XKR9: variants seen among roughly 807,000 people sequenced by gnomAD.
XKR9 encodes the protein XK related 9.
XKR9 carries 32 observed loss-of-function variants against 32.0 expected under a neutral mutation model. The observed-to-expected ratio is 1.00, with a 90% CI of 0.76 to 1.34. The LOEUF is 1.34. Among genes scored for constraint, XKR9 ranks in the 40% most tolerant of loss-of-function variants. The pLI, the probability that XKR9 is intolerant of heterozygous loss-of-function variation, is 0.00. For missense variants in XKR9, 546 were observed against 429.7 expected (o/e 1.27, Z -2.39); for synonymous variants, 168 against 143.4 (o/e 1.17, Z -1.22).
chr8:70,687,561 G>A (rs1048032541), intron 3 of XKR9, among the ~76,000 whole-genome samples: 2 of 151,718 alleles, frequency 1.3e-5, no homozygotes, highest in Admixed American at 1.3e-4. Flanking sequence ...GTACAGATGG[G>A]GCCTCAGTAT....
intron 1 of XKR9, among the ~76,000 whole-genome samples, chr8:70,670,377 TA>T (rs576173949): frequency 5.3e-5 from 8 of 152,206 alleles, no homozygotes; most frequent in African/African-American, 1.9e-4. Context: ...CAGCTTCCCA[TA>T]AAAAAAGTTG....
chr8:70,927,107 C>G, the XKR9 span, among the ~76,000 whole-genome samples: 1 of 151,748 alleles, frequency 6.6e-6, no homozygotes, highest in Admixed American at 6.6e-5. Context: ...TATATATGCA[C>G]ATACACACAA....
In XKR9 at chr8:70,721,796, A is replaced by G. The variant is rs548923903; in HGVS notation, c.494-12000A>G. Among the ~76,000 whole-genome samples the G allele has an allele frequency of 2.1e-4, 32 of 152,128 alleles. No individual in the cohort carries two copies. The South Asian group carries it at 3.5e-3, about 17-fold the overall frequency. ...ATATTCTGTTGATTTGGGGTGGAGAATTGTGTAGATGTCTATTAGGTCCTC... is the reference window on the plus strand; with the variant it reads ...ATATTCTGTTGATTTGGGGTGGAGAGTTGTGTAGATGTCTATTAGGTCCTC... On this transcript the variant is annotated intron_variant, in intron 4 of 4. Coordinates refer to ENST00000408926, the MANE Select transcript of XKR9 (RefSeq NM_001011720.2).
rs1806831161 is a variant in XKR9 at position 70,735,383 on chromosome 8, T to C, written c.*959T>C. ...GATTTCATGTGTGTGAAACTTAATC[T>C]CCAAATTTGTATGTTGATGGCATTT... is the stretch of plus-strand genomic sequence containing the variant. On this transcript the variant is annotated 3_prime_UTR_variant, in exon 5 of 5. Transcript: ENST00000408926. 1 of 151,848 alleles carries C rather than the reference T, an allele frequency of 6.6e-6. No individual in the cohort carries two copies. 9.4% of individuals were successfully genotyped at this position (151,848 alleles called of 1,614,324 possible).
At chr8:70,808,332 G>A in the XKR9 span, among the ~76,000 whole-genome samples, 18 of 152,222 alleles carry the variant, frequency 1.2e-4, no homozygotes, top group East Asian at 1.2e-3. Context: ...GAAGATGGCC[G>A]AATAGGAACA....
the XKR9 span, among the ~76,000 whole-genome samples, chr8:70,977,439 T>C: frequency 6.6e-6 from 1 of 152,242 alleles, no homozygotes; most frequent in Non-Finnish European, 1.5e-5. Flanking sequence ...GAGATTATGG[T>C]ACGTTGTGTC....
At chr8:70,920,858 T>A in the XKR9 span, among the ~76,000 whole-genome samples, 1 of 152,168 alleles carries the variant, frequency 6.6e-6, no homozygotes, top group Non-Finnish European at 1.5e-5. Context: ...TAAAGCATAT[T>A]TAGAAATATG....
the XKR9 span, among the ~76,000 whole-genome samples, chr8:70,808,043 A>C: frequency 3.9e-5 from 6 of 152,132 alleles, no homozygotes; most frequent in East Asian, 1.9e-4. Context: ...TGCAAAAAAA[A>C]CCTCTAAAAT....
the XKR9 span, among the ~76,000 whole-genome samples, chr8:71,042,475 C>G: frequency 3.3e-5 from 5 of 152,200 alleles, no homozygotes; most frequent in East Asian, 9.7e-4. Context: ...GTTTACTCAT[C>G]TGTAAGATTA....
At chr8:70,780,838 G>A (rs1807605591) in intron 2 of XKR9, 2 of 151,876 alleles carry the variant, frequency 1.3e-5, no homozygotes, top group African/African-American at 4.8e-5. Context: ...AGTCCCATCA[G>A]CAATGAGGTT....
chr8:70,926,350 C>T, the XKR9 span, among the ~76,000 whole-genome samples: 23 of 152,304 alleles, frequency 1.5e-4, no homozygotes, highest in African/African-American at 4.1e-4. Context: ...GGATTACAGG[C>T]GTGAGCCACT....
chr8:70,915,153 AG>A, the XKR9 span, among the ~76,000 whole-genome samples: 5 of 152,100 alleles, frequency 3.3e-5, no homozygotes, highest in African/African-American at 7.2e-5. Context: ...TGGTACCAGC[AG>A]GTCCATTAGA....
At chr8:70,719,926 A>G (rs1261508995) in intron 4 of XKR9, among the ~76,000 whole-genome samples, 1 of 152,182 alleles carries the variant, frequency 6.6e-6, no homozygotes, top group Non-Finnish European at 1.5e-5. Flanking sequence ...CTTCCTATCC[A>G]TGAGCATGGA....
the XKR9 span, among the ~76,000 whole-genome samples, chr8:70,988,092 T>C: frequency 6.6e-6 from 1 of 152,072 alleles, no homozygotes; most frequent in East Asian, 1.9e-4. Flanking sequence ...GAAACAACTT[T>C]TCCTCCTGGG....
At chr8:70,858,154 T>G in the XKR9 span, among the ~76,000 whole-genome samples, 1 of 152,152 alleles carries the variant, frequency 6.6e-6, no homozygotes, top group African/African-American at 2.4e-5. Context: ...GGTATTCAAT[T>G]AGGAAATGAG....
intron 3 of XKR9, among the ~76,000 whole-genome samples, chr8:70,692,984 T>G (rs1202014965): frequency 6.6e-6 from 1 of 152,238 alleles, no homozygotes; most frequent in African/African-American, 2.4e-5. Flanking sequence ...CCACATCTGT[T>G]GAGAAGATTG....
chr8:71,042,660 A>G, the XKR9 span, among the ~76,000 whole-genome samples: 1 of 152,022 alleles, frequency 6.6e-6, no homozygotes. Context: ...TATATTTAAA[A>G]TATACTAAAT....
At chr8:70,812,848 G>A in the XKR9 span, among the ~76,000 whole-genome samples, 224 of 152,276 alleles carry the variant, frequency 1.5e-3, 1 homozygote, top group African/African-American at 5.0e-3. Flanking sequence ...AATCAATATC[G>A]TGAAAATGGC....
At chr8:70,858,127 A>G in the XKR9 span, among the ~76,000 whole-genome samples, 24 of 152,180 alleles carry the variant, frequency 1.6e-4, no homozygotes, top group Admixed American at 1.6e-3. Context: ...GCAATCAGGC[A>G]GGAGAAGGAA....
Sources: gnomAD v4.1 joint callset for allele counts (sites outside exome capture counted in the v4.1 genomes callset) on GRCh38, gnomAD v4.1.1 for gene constraint, MANE v1.5 for transcripts, NCBI Gene and HGNC (gene_info 2026-07-23, HGNC 2026-07-21) for gene names.